AGO3: variants seen among roughly 807,000 people sequenced by gnomAD.
AGO3 encodes the protein protein argonaute-3.
A neutral mutation model predicts 105.5 loss-of-function variants in AGO3; 16 were observed. That is an observed-to-expected ratio of 0.15 (90% CI 0.10 to 0.23). The LOEUF (loss-of-function observed/expected upper bound fraction) is 0.23. Ranked by LOEUF, AGO3 falls within the 10% of genes least tolerant of loss-of-function variation. The pLI is 1.00. For synonymous variants in AGO3, 340 were observed against 367.3 expected (o/e 0.93, Z 0.85); for missense variants, 534 against 1,088.0 (o/e 0.49, Z 7.16).
At chr1:36,034,030 C>T (rs1252282343) in intron 12 of AGO3, 144 bp from the exon 13 acceptor site, 3 of 640,820 alleles carry the variant, frequency 4.7e-6, no homozygotes, top group African/African-American at 1.9e-5. Flanking sequence ...AACAGCATCG[C>T]CTTAGTACTG....
intron 5 of AGO3, among the ~76,000 whole-genome samples, chr1:36,003,618 C>T (rs777058338): frequency 6.2e-5 from 9 of 145,670 alleles, no homozygotes; most frequent in Non-Finnish European, 8.9e-5. Context: ...CGCTTGAACC[C>T]GGGAGGCGGA....
intron 14 of AGO3, among the ~76,000 whole-genome samples, chr1:36,036,734 G>A (rs1460248571): frequency 1.3e-5 from 2 of 151,376 alleles, no homozygotes; most frequent in Non-Finnish European, 2.9e-5. Flanking sequence ...TTATCTTGTT[G>A]CCCAGGCTAG....
chr1:36,001,953 A>G (rs1452561776), intron 5 of AGO3, among the ~76,000 whole-genome samples: 2 of 152,238 alleles, frequency 1.3e-5, no homozygotes, highest in Non-Finnish European at 2.9e-5. Context: ...AAAAAACAAT[A>G]TGCACTCAGT....
chr1:36,041,903 C>G (rs947456413), intron 16 of AGO3, among the ~76,000 whole-genome samples: 5 of 151,976 alleles, frequency 3.3e-5, no homozygotes, highest in Admixed American at 3.3e-4. Flanking sequence ...TAAAGATTGG[C>G]TAGCTCTCAT....
rs1246718615 is a variant in AGO3 at position 36,055,618 on chromosome 1, A to G, written c.2475-19A>G. The G allele has an allele frequency of 6.2e-7, 1 of 1,608,308 alleles. No homozygotes were observed. The highest frequency in any genetic ancestry group is 1.1e-5 in the South Asian group (1 of 90,338). On this transcript the variant is annotated intron_variant, in intron 18 of 18. Transcript: ENST00000373191. This position sits in a 1 kb window ranked among gnomAD's most constrained non-coding sequence, Gnocchi z 4.4. ...GAATAGAAAGTTTGTTTTTGTGTTC[A>G]TTGCCACTTCTCTTACAGTGCTGAA... is the stretch of plus-strand genomic sequence containing the variant.
chr1:36,045,906 G>A (rs945124321), intron 17 of AGO3, among the ~76,000 whole-genome samples: 3 of 152,128 alleles, frequency 2.0e-5, no homozygotes, highest in Admixed American at 6.6e-5. Context: ...AGGAGTAACA[G>A]AAACCCTGGT....
At chr1:35,995,856 T>G (rs1639771523) in intron 5 of AGO3, among the ~76,000 whole-genome samples, 1 of 152,102 alleles carries the variant, frequency 6.6e-6, no homozygotes, top group South Asian at 2.1e-4. Context: ...TTTTGTAGTT[T>G]TAGTAGAGAC....
intron 2 of AGO3, among the ~76,000 whole-genome samples, chr1:35,960,412 T>G (rs1646651658): frequency 6.6e-6 from 1 of 152,062 alleles, no homozygotes; most frequent in Non-Finnish European, 1.5e-5. Context: ...CTCAGGAGTT[T>G]TAGGTTACAG....
At chr1:35,950,521 T>C (rs1474085438) in intron 2 of AGO3, among the ~76,000 whole-genome samples, 1 of 152,236 alleles carries the variant, frequency 6.6e-6, no homozygotes, top group African/African-American at 2.4e-5. Context: ...TTGCTTTTTT[T>C]GTCCTTTCCT....
chr1:35,970,258 G>A (rs746607244), intron 3 of AGO3, among the ~76,000 whole-genome samples: 2 of 152,054 alleles, frequency 1.3e-5, no homozygotes, highest in Admixed American at 6.6e-5. Flanking sequence ...TAAATAAAAC[G>A]GACAATAAAA....
At chr1:35,989,115 A>G (rs189894562) in intron 5 of AGO3, among the ~76,000 whole-genome samples, 4 of 152,354 alleles carry the variant, frequency 2.6e-5, no homozygotes, top group African/African-American at 9.6e-5. Context: ...CAATGGAAGC[A>G]TAAAAGGGAG....
chr1:35,998,365 A>C (rs1569698617), intron 5 of AGO3, among the ~76,000 whole-genome samples: 1 of 152,176 alleles, frequency 6.6e-6, no homozygotes, highest in East Asian at 1.9e-4. Context: ...TAAGGATATG[A>C]GCATTCTTAT....
intron 2 of AGO3, among the ~76,000 whole-genome samples, chr1:35,947,160 G>A (rs965259935): frequency 5.3e-5 from 8 of 151,944 alleles, no homozygotes; most frequent in African/African-American, 1.4e-4. Flanking sequence ...AAAGCATAAC[G>A]GTTGAGAAGA....
At chr1:35,986,344 A>AG (rs1647177279) in intron 5 of AGO3, among the ~76,000 whole-genome samples, 2 of 152,370 alleles carry the variant, frequency 1.3e-5, no homozygotes, top group South Asian at 4.1e-4. Flanking sequence ...GGTGTACTAC[A>AG]TAACAGTTAA....
At chr1:35,989,012 C>G (rs1349762059) in intron 5 of AGO3, among the ~76,000 whole-genome samples, 1 of 152,166 alleles carries the variant, frequency 6.6e-6, no homozygotes, top group African/African-American at 2.4e-5. Context: ...GGTATATGCA[C>G]TGAACTAAAC....
intron 13 of AGO3, 33 bp from the exon 14 acceptor site, chr1:36,036,144 A>G (rs1428178804): frequency 6.3e-7 from 1 of 1,593,846 alleles, no homozygotes; most frequent in South Asian, 1.1e-5. Context: ...TGAAAAAATG[A>G]AATATCTAAC....
chr1:36,032,930 G>T (rs1475030265), intron 12 of AGO3, among the ~76,000 whole-genome samples: 1 of 151,922 alleles, frequency 6.6e-6, no homozygotes, highest in Non-Finnish European at 1.5e-5. Context: ...TTCAAGACCA[G>T]CCTGGCCAAT....
At chr1:35,981,464 T>TAA (rs1647051938) in intron 5 of AGO3, among the ~76,000 whole-genome samples, 1 of 152,150 alleles carries the variant, frequency 6.6e-6, no homozygotes, top group Non-Finnish European at 1.5e-5. Context: ...TTAAGGGGTT[T>TAA]AAGTAATATG....
intron 5 of AGO3, among the ~76,000 whole-genome samples, chr1:35,999,098 A>G (rs575404691): frequency 8.9e-4 from 136 of 152,292 alleles, no homozygotes; most frequent in Non-Finnish European, 1.7e-3. Context: ...CATGCCTGTA[A>G]TCCCAGCACT....
Sources: gnomAD v4.1 joint callset for allele counts (sites outside exome capture counted in the v4.1 genomes callset) on GRCh38, gnomAD v4.1.1 for gene constraint, Gnocchi (gnomAD v3.1) non-coding constraint, MANE v1.5 for transcripts, NCBI Gene and HGNC (gene_info 2026-07-23, HGNC 2026-07-21) for gene names.